Variants in EYS observed in about 807,000 individuals in gnomAD.
The protein encoded by EYS is EGF-like photoreceptor maintenance factor, also known as protein eyes shut homolog.
A neutral mutation model predicts 282.1 loss-of-function variants in EYS; 250 were observed. The observed-to-expected ratio is 0.89, with a 90% CI of 0.80 to 0.98. EYS has a LOEUF of 0.98. EYS is among the 50% of genes least tolerant of loss of function. The pLI is 0.00. For synonymous variants in EYS, 1,355 were observed against 1,282.9 expected (o/e 1.06, Z -1.20); for missense variants, 4,016 against 3,709.0 (o/e 1.08, Z -2.15).
chr6:64,753,736 T>C (rs1250423423), intron 22 of EYS, among the ~76,000 whole-genome samples: 1 of 151,812 alleles, frequency 6.6e-6, no homozygotes, highest in Non-Finnish European at 1.5e-5. Context: ...AAACTTAAAA[T>C]GGACTCCATT....
intron 12 of EYS, among the ~76,000 whole-genome samples, chr6:65,117,822 T>C (rs1312863830): frequency 6.6e-6 from 1 of 152,196 alleles, no homozygotes; most frequent in African/African-American, 2.4e-5. Context: ...TAGGCACTGA[T>C]AGATGTCCTA....
At chr6:64,756,696 A>G (rs1772947257) in intron 22 of EYS, among the ~76,000 whole-genome samples, 1 of 152,192 alleles carries the variant, frequency 6.6e-6, no homozygotes, top group Non-Finnish European at 1.5e-5. Flanking sequence ...GTGTCCTTTT[A>G]CTCAGCACAG....
At chr6:64,657,062 G>C (rs149963375) in intron 22 of EYS, among the ~76,000 whole-genome samples, 1 of 152,116 alleles carries the variant, frequency 6.6e-6, no homozygotes, top group South Asian at 2.1e-4. Context: ...TATATATTTA[G>C]GATAGTTAGC....
At position 63,901,720 on chromosome 6, in the gene EYS, A is replaced by C. The variant is rs144889132; in HGVS notation, c.7056-37362T>G. On this transcript the variant is annotated intron_variant, in intron 35 of 42. Transcript: ENST00000503581. ...GCCAGTCAGCACTGGAATAAGATAC[A>C]AGTTGAATATCCCTTATCCGACATG... is the stretch of plus-strand genomic sequence containing the variant. Among the ~76,000 whole-genome samples the C allele has an allele frequency of 3.1e-3, 471 of 152,272 alleles. 2 individuals carry two copies. Among genetic ancestry groups the C allele is most frequent in the African/African-American group, 0.01 (431 of 41,568 alleles).
chr6:64,556,701 G>A (rs1175535463), intron 26 of EYS, among the ~76,000 whole-genome samples: 1 of 151,834 alleles, frequency 6.6e-6, no homozygotes, highest in Non-Finnish European at 1.5e-5. Context: ...ACAAGAACAA[G>A]GCACTGAGGA....
Position 64,640,317 on chromosome 6 carries a change from C to G in EYS, c.3444-14072G>C, listed in dbSNP as rs562410397. On this transcript the variant is annotated intron_variant, in intron 22 of 42. Transcript: ENST00000503581. ...CACAATAGCAAAGACTTGGAACCAA[C>G]CCAAATGTCCAACAATGATAGACTG... Among the ~76,000 whole-genome samples, 354 of 151,366 alleles carry G rather than the reference C, an allele frequency of 2.3e-3. 1 individual carries two copies. The highest frequency in any genetic ancestry group is 4.3e-3 in the Non-Finnish European group (293 of 67,876).
intron 30 of EYS, among the ~76,000 whole-genome samples, chr6:64,244,825 C>A (rs1223504086): frequency 6.6e-6 from 1 of 152,010 alleles, no homozygotes; most frequent in Non-Finnish European, 1.5e-5. Flanking sequence ...ATTTTATTTT[C>A]TATCTTTTTT....
intron 12 of EYS, among the ~76,000 whole-genome samples, chr6:65,287,941 A>C (rs1275999902): frequency 6.6e-6 from 1 of 151,162 alleles, no homozygotes. Context: ...CGGTACACTC[A>C]AAGTCCAGGG....
chr6:64,020,365 C>T (rs919544963), intron 33 of EYS, among the ~76,000 whole-genome samples: 3 of 152,024 alleles, frequency 2.0e-5, no homozygotes, highest in Admixed American at 2.0e-4. Context: ...AAAACCTTTT[C>T]CTTTAAAAAT....
intron 28 of EYS, among the ~76,000 whole-genome samples, chr6:64,411,064 G>A (rs1561979808): frequency 6.6e-6 from 1 of 152,074 alleles, no homozygotes; most frequent in Admixed American, 6.6e-5. Context: ...ACATTACAAA[G>A]TGTATGTGTG....
chr6:64,307,948 G>C (rs1769518860), intron 29 of EYS, among the ~76,000 whole-genome samples: 1 of 151,852 alleles, frequency 6.6e-6, no homozygotes, highest in Admixed American at 6.6e-5. Flanking sequence ...GTACTGTATA[G>C]ATTACATAGT....
At chr6:64,887,309 T>C (rs759109842) in intron 18 of EYS, among the ~76,000 whole-genome samples, 2 of 149,066 alleles carry the variant, frequency 1.3e-5, no homozygotes, top group South Asian at 2.2e-4. Context: ...AGGGATAGCA[T>C]TGGGAGAGAT....
intron 19 of EYS, among the ~76,000 whole-genome samples, chr6:64,846,281 T>G (rs1368500767): frequency 6.6e-6 from 1 of 152,218 alleles, no homozygotes; most frequent in Non-Finnish European, 1.5e-5. Flanking sequence ...AAATGTGTGT[T>G]CTGCAGGGAG....
intron 26 of EYS, among the ~76,000 whole-genome samples, chr6:64,579,298 A>C (rs1765987233): frequency 2.0e-5 from 3 of 152,130 alleles, no homozygotes; most frequent in Admixed American, 2.0e-4. Flanking sequence ...GCAGAACTTC[A>C]CTTCCTTCCT....
intron 33 of EYS, among the ~76,000 whole-genome samples, chr6:64,012,507 T>C (rs1185875548): frequency 1.3e-5 from 2 of 152,162 alleles, no homozygotes; most frequent in African/African-American, 4.8e-5. Flanking sequence ...AAGATCTAAT[T>C]GATAGCATTA....
intron 22 of EYS, among the ~76,000 whole-genome samples, chr6:64,773,022 T>C (rs1451241876): frequency 6.6e-6 from 1 of 151,834 alleles, no homozygotes; most frequent in Non-Finnish European, 1.5e-5. Flanking sequence ...TGGACAGGTT[T>C]GTTACATGGA....
intron 39 of EYS, among the ~76,000 whole-genome samples, chr6:63,784,222 T>C (rs1770308609): frequency 6.6e-6 from 1 of 152,136 alleles, no homozygotes; most frequent in Non-Finnish European, 1.5e-5. Flanking sequence ...TTTTGGGACT[T>C]CTCAGCTTCC....
intron 22 of EYS, among the ~76,000 whole-genome samples, chr6:64,773,045 C>G (rs1773571079): frequency 6.6e-6 from 1 of 151,716 alleles, no homozygotes; most frequent in Non-Finnish European, 1.5e-5. Context: ...ATTTGCATGT[C>G]ACAAAGATTT....
At chr6:65,634,567 C>CCGAG (rs1767024186) in intron 2 of EYS, among the ~76,000 whole-genome samples, 3 of 152,176 alleles carry the variant, frequency 2.0e-5, no homozygotes, top group Non-Finnish European at 4.4e-5. Flanking sequence ...ATTCAGCTAG[C>CCGAG]TACTCGGCAA....
Sources: gnomAD v4.1 joint callset for allele counts (sites outside exome capture counted in the v4.1 genomes callset) on GRCh38, gnomAD v4.1.1 for gene constraint, MANE v1.5 for transcripts, NCBI Gene and HGNC (gene_info 2026-07-23, HGNC 2026-07-21) for gene names.